KCNN2: variants seen among roughly 807,000 people sequenced by gnomAD.
KCNN2 encodes the protein small conductance calcium-activated potassium channel protein 2.
In KCNN2, 24 loss-of-function variants were observed where a neutral mutation model predicts 55.5. That is an observed-to-expected ratio of 0.43 (90% CI 0.31 to 0.61). KCNN2 has a LOEUF of 0.61. Among genes scored for constraint, KCNN2 ranks in the 20% least tolerant of loss-of-function variants. The pLI, the probability that KCNN2 is intolerant of heterozygous loss-of-function variation, is 0.08. For missense variants in KCNN2, 754 were observed against 853.6 expected (o/e 0.88, Z 1.45); for synonymous variants, 431 against 336.1 (o/e 1.28, Z -3.09).
At chr5:114,281,099 G>C (rs1433304392) in intron 2 of KCNN2, among the ~76,000 whole-genome samples, 1 of 152,088 alleles carries the variant, frequency 6.6e-6, no homozygotes, top group African/African-American at 2.4e-5. Flanking sequence ...GACCACTTGT[G>C]TACCTCATCC....
At chr5:114,470,297 C>A (rs1761662426) in intron 4 of KCNN2, among the ~76,000 whole-genome samples, 1 of 152,182 alleles carries the variant, frequency 6.6e-6, no homozygotes, top group African/African-American at 2.4e-5. Flanking sequence ...CCTCTCATAG[C>A]TGTCTCTGCA....
chr5:114,188,168 G>C (rs933701084), intron 1 of KCNN2, among the ~76,000 whole-genome samples: 1 of 152,140 alleles, frequency 6.6e-6, no homozygotes, highest in Non-Finnish European at 1.5e-5. Context: ...CATACCATTT[G>C]AAATGTAAAT....
chr5:114,462,622 TAGCAAAGGCCAGTCCA>T lies in KCNN2; in HGVS notation c.1638-418_1638-403del, dbSNP rs543656772. Among the ~76,000 whole-genome samples the T allele has an allele frequency of 7.9e-5, 12 of 152,240 alleles. No homozygotes were observed. In the East Asian group the frequency reaches 2.3e-3, roughly 29 times the overall value. On this transcript the variant is annotated intron_variant, in intron 3 of 7. Transcript: ENST00000673685. ...TTAGCCCATCGTCAGGAAATCGAGG[TAGCAAAGGCCAGTCCA>T]AGCAAAGGGAACATCATAATTCATT...
At chr5:114,343,666 T>C (rs1443678168) in intron 2 of KCNN2, among the ~76,000 whole-genome samples, 1 of 150,720 alleles carries the variant, frequency 6.6e-6, no homozygotes, top group African/African-American at 2.4e-5. Context: ...TTGAATACCA[T>C]GGCTACTTGG....
At chr5:114,078,229 T>C (rs751676947) in intron 1 of KCNN2, among the ~76,000 whole-genome samples, 1 of 151,904 alleles carries the variant, frequency 6.6e-6, no homozygotes, top group Non-Finnish European at 1.5e-5. Flanking sequence ...GAAATCCAAA[T>C]TGAGACTTGC....
chr5:114,314,897 G>T (rs62382913), intron 2 of KCNN2, among the ~76,000 whole-genome samples: 21,129 of 152,122 alleles, frequency 0.14, 2,013 homozygotes, highest in Non-Finnish European at 0.19. Flanking sequence ...AAACATGAGG[G>T]TTAAATCCAC....
intron 2 of KCNN2, among the ~76,000 whole-genome samples, chr5:114,304,202 C>A (rs1167905560): frequency 6.6e-6 from 1 of 152,092 alleles, no homozygotes; most frequent in African/African-American, 2.4e-5. Context: ...ACATAGCGGG[C>A]CAACCCATCT....
intron 2 of KCNN2, among the ~76,000 whole-genome samples, chr5:114,336,391 T>C (rs1756925736): frequency 6.6e-6 from 1 of 152,210 alleles, no homozygotes; most frequent in South Asian, 2.1e-4. Context: ...AATTGAGTAT[T>C]GTATTTGAAA....
At chr5:114,104,077 C>G (rs1300168084) in intron 1 of KCNN2, among the ~76,000 whole-genome samples, 2 of 151,990 alleles carry the variant, frequency 1.3e-5, no homozygotes, top group Admixed American at 1.3e-4. Flanking sequence ...GGTTAGTAGG[C>G]TATTAATTAC....
At chr5:114,333,607 T>C (rs1756866558) in intron 2 of KCNN2, among the ~76,000 whole-genome samples, 1 of 126,612 alleles carries the variant, frequency 7.9e-6, no homozygotes, top group Admixed American at 8.4e-5. Flanking sequence ...GTTGAGATGT[T>C]AGTAAAAAAA....
chr5:114,485,622 G>GA (rs1229545348), intron 5 of KCNN2, among the ~76,000 whole-genome samples: 29 of 152,114 alleles, frequency 1.9e-4, no homozygotes, highest in African/African-American at 6.8e-4. Flanking sequence ...TTACTTATAC[G>GA]CAGTGCTGGC....
intron 1 of KCNN2, among the ~76,000 whole-genome samples, chr5:114,158,318 T>G (rs1752685703): frequency 6.6e-6 from 1 of 152,210 alleles, no homozygotes; most frequent in South Asian, 2.1e-4. Context: ...GTTGTAGTTA[T>G]GCGGCATTAT....
At chr5:114,204,713 C>A (rs189638899) in intron 1 of KCNN2, among the ~76,000 whole-genome samples, 1 of 152,152 alleles carries the variant, frequency 6.6e-6, no homozygotes, top group African/African-American at 2.4e-5. Context: ...GGTGACACCA[C>A]CATTATGGTG....
intron 7 of KCNN2, among the ~76,000 whole-genome samples, chr5:114,495,269 C>T (rs936887784): frequency 6.6e-6 from 1 of 152,190 alleles, no homozygotes; most frequent in Non-Finnish European, 1.5e-5. Flanking sequence ...CTAATATTCT[C>T]TCAATGGGTT....
intron 1 of KCNN2, among the ~76,000 whole-genome samples, chr5:114,106,748 A>G (rs1751493203): frequency 7.5e-6 from 1 of 132,562 alleles, no homozygotes; most frequent in African/African-American, 2.8e-5. Context: ...GCTTTTTCTT[A>G]TTAATTTGCA....
At chr5:114,417,027 A>T (rs1759326981) in intron 3 of KCNN2, among the ~76,000 whole-genome samples, 1 of 152,260 alleles carries the variant, frequency 6.6e-6, no homozygotes, top group South Asian at 2.1e-4. Context: ...TATACTAGGC[A>T]TATGTGGAGA....
intron 3 of KCNN2, among the ~76,000 whole-genome samples, chr5:114,428,826 T>C (rs1442893588): frequency 1.3e-5 from 2 of 152,126 alleles, no homozygotes; most frequent in Non-Finnish European, 2.9e-5. Context: ...TCATAGAGTA[T>C]GTACCCCTTT....
At chr5:114,111,444 C>T (rs1034879663) in intron 1 of KCNN2, among the ~76,000 whole-genome samples, 6 of 152,074 alleles carry the variant, frequency 3.9e-5, no homozygotes, top group African/African-American at 4.8e-5. Context: ...GACTAAAACA[C>T]GAAAAGCAAG....
intron 3 of KCNN2, among the ~76,000 whole-genome samples, chr5:114,453,816 T>G (rs932668572): frequency 2.0e-5 from 3 of 152,226 alleles, no homozygotes; most frequent in Non-Finnish European, 4.4e-5. Context: ...AATGCAATTT[T>G]TTTTTAACTT....
Sources: allele counts gnomAD v4.1 joint callset (sites outside exome capture counted in the v4.1 genomes callset), GRCh38; gene constraint gnomAD v4.1.1; transcripts MANE v1.5; gene names NCBI Gene and HGNC (gene_info 2026-07-23, HGNC 2026-07-21).